The following CDKN2B-AS1 variants were observed in gnomAD, a reference collection of about 807,000 sequenced individuals.
CDKN2B-AS1 encodes CDKN2B and CDKN2A antisense cis and trans regulatory RNA 1.
At chr9:22,025,223 G>A (rs1678899334) in intron 1 of CDKN2B-AS1, among the ~76,000 whole-genome samples, 3 of 152,198 alleles carry the variant, frequency 2.0e-5, no homozygotes, top group Non-Finnish European at 4.4e-5. Context: ...TCTGTGCTAT[G>A]GGCCCAAGCC....
At chr9:22,040,153 A>G (rs1563940150) in intron 1 of CDKN2B-AS1, among the ~76,000 whole-genome samples, 2 of 152,016 alleles carry the variant, frequency 1.3e-5, no homozygotes, top group African/African-American at 2.4e-5. Flanking sequence ...TAGGCCACTC[A>G]GTTTGTGGCA....
chr9:22,088,625 T>G (rs1297795606), intron 4 of CDKN2B-AS1, among the ~76,000 whole-genome samples: 1 of 152,194 alleles, frequency 6.6e-6, no homozygotes, highest in Non-Finnish European at 1.5e-5. Context: ...TATCAATTAG[T>G]AAGAGTGGTA....
intron 1 of CDKN2B-AS1, among the ~76,000 whole-genome samples, chr9:22,028,387 G>T (rs1475316073): frequency 2.0e-5 from 3 of 151,980 alleles, no homozygotes; most frequent in Non-Finnish European, 4.4e-5. Context: ...GCAGTGTTAG[G>T]TTTCTAATTT....
intron 4 of CDKN2B-AS1, among the ~76,000 whole-genome samples, chr9:22,115,951 G>T (rs989220770): frequency 7.9e-5 from 12 of 152,048 alleles, no homozygotes; most frequent in African/African-American, 2.9e-4. Flanking sequence ...CTCCTGTTCG[G>T]ATCCCTTCAG....
At chr9:22,107,418 T>G (rs1825688792) in intron 4 of CDKN2B-AS1, among the ~76,000 whole-genome samples, 1 of 152,188 alleles carries the variant, frequency 6.6e-6, no homozygotes, top group Non-Finnish European at 1.5e-5. Flanking sequence ...ACTCTCAGTC[T>G]AGACTAAAAA....
intron 1 of CDKN2B-AS1, among the ~76,000 whole-genome samples, chr9:22,024,914 G>T (rs1822169933): frequency 6.6e-6 from 1 of 152,210 alleles, no homozygotes; most frequent in South Asian, 2.1e-4. Context: ...GATGGCCCTA[G>T]AAGAGGCCAG....
chr9:22,085,584 G>T (rs568554375), intron 4 of CDKN2B-AS1, among the ~76,000 whole-genome samples: 5 of 152,128 alleles, frequency 3.3e-5, no homozygotes, highest in Non-Finnish European at 7.4e-5. Flanking sequence ...AGCCAGGTGT[G>T]GTGGCGGGCC....
intron 4 of CDKN2B-AS1, chr9:22,118,894 A>G (rs938004842): frequency 2.6e-5 from 4 of 152,116 alleles, no homozygotes; most frequent in African/African-American, 9.7e-5. Flanking sequence ...TGTTAAATGG[A>G]TGGGGAGATA....
intron 4 of CDKN2B-AS1, among the ~76,000 whole-genome samples, chr9:22,099,051 G>C (rs929376723): frequency 6.6e-6 from 1 of 152,210 alleles, no homozygotes; most frequent in Non-Finnish European, 1.5e-5. Context: ...GTACAGAAAG[G>C]ACATTTAATT....
At chr9:22,052,526 C>T (rs1304502171) in intron 3 of CDKN2B-AS1, among the ~76,000 whole-genome samples, 17 of 152,198 alleles carry the variant, frequency 1.1e-4, no homozygotes, top group Admixed American at 6.5e-5. Context: ...TGGATAAGGG[C>T]GAATCTTTAA....
At chr9:22,123,846 G>A (rs915961349) in intron 4 of CDKN2B-AS1, among the ~76,000 whole-genome samples, 2 of 152,190 alleles carry the variant, frequency 1.3e-5, no homozygotes, top group African/African-American at 4.8e-5. Flanking sequence ...CAACTACAAT[G>A]AGCGTAAACA....
chr9:22,003,812 T>C (rs1298197473), intron 1 of CDKN2B-AS1: 1 of 232,268 alleles, frequency 4.3e-6, no homozygotes, highest in Non-Finnish European at 8.5e-6. Flanking sequence ...ACCGTTTATA[T>C]TTACTAGAAG....
intron 1 of CDKN2B-AS1, among the ~76,000 whole-genome samples, chr9:22,032,233 A>G (rs1471526073): frequency 6.6e-6 from 1 of 152,156 alleles, no homozygotes; most frequent in Non-Finnish European, 1.5e-5. Context: ...TGGAGGTAGA[A>G]TCATGTGGTT....
At chr9:22,017,388 T>G (rs1821817687) in intron 1 of CDKN2B-AS1, among the ~76,000 whole-genome samples, 2 of 152,358 alleles carry the variant, frequency 1.3e-5, no homozygotes, top group Admixed American at 1.3e-4. Context: ...ACCTCTTTTT[T>G]AGGGCTCAAC....
At chr9:22,115,752 T>A (rs1825933975) in intron 4 of CDKN2B-AS1, among the ~76,000 whole-genome samples, 1 of 152,094 alleles carries the variant, frequency 6.6e-6, no homozygotes, top group African/African-American at 2.4e-5. Flanking sequence ...TTATTGGTGG[T>A]TTTCTAGGGT....
chr9:22,123,159 A>T (rs539742441), intron 4 of CDKN2B-AS1, among the ~76,000 whole-genome samples: 1 of 151,996 alleles, frequency 6.6e-6, no homozygotes, highest in South Asian at 2.1e-4. Context: ...CAGCTAGTTC[A>T]TTGTTCATGT....
At chr9:22,019,297 G>A (rs1024766551) in intron 1 of CDKN2B-AS1, among the ~76,000 whole-genome samples, 1 of 152,242 alleles carries the variant, frequency 6.6e-6, no homozygotes, top group African/African-American at 2.4e-5. Flanking sequence ...ATGCATTTTG[G>A]AGAATGGTTT....
intron 1 of CDKN2B-AS1, among the ~76,000 whole-genome samples, chr9:22,045,358 T>A (rs1165784492): frequency 6.6e-6 from 1 of 152,028 alleles, no homozygotes; most frequent in African/African-American, 2.4e-5. Flanking sequence ...TTAGAGAGGT[T>A]TATTTACTCA....
At chr9:22,047,248 G>T (rs1322050237) in intron 2 of CDKN2B-AS1, among the ~76,000 whole-genome samples, 1 of 151,950 alleles carries the variant, frequency 6.6e-6, no homozygotes, top group Non-Finnish European at 1.5e-5. Flanking sequence ...TTAAAACTAT[G>T]TATAGGTATA....
Sources: gnomAD v4.1 joint callset for allele counts (sites outside exome capture counted in the v4.1 genomes callset) on GRCh38, gnomAD v4.1.1 for gene constraint, MANE v1.5 for transcripts, NCBI Gene and HGNC (gene_info 2026-07-23, HGNC 2026-07-21) for gene names.